The following GPHN variants were observed in gnomAD, a reference collection of about 807,000 sequenced individuals.
GPHN encodes gephyrin.
In GPHN, 17 loss-of-function variants were observed where a neutral mutation model predicts 95.5. The observed-to-expected ratio is 0.18, with a 90% CI of 0.12 to 0.27. The LOEUF (loss-of-function observed/expected upper bound fraction) is 0.27, where lower values mean the gene tolerates loss of function less well. Ranked by LOEUF, GPHN falls within the 10% of genes least tolerant of loss-of-function variation. The probability of loss-of-function intolerance (pLI) is 1.00; values close to 1 mark genes in which losing one functional copy is unlikely to be tolerated. For synonymous variants in GPHN, 320 were observed against 322.5 expected, an observed-to-expected ratio of 0.99 and a Z score of 0.08; for missense variants, 660 against 978.1, an observed-to-expected ratio of 0.67 and a Z score of 4.34.
intron 8 of GPHN, among the ~76,000 whole-genome samples, chr14:66,948,348 CT>C (rs2067883005): frequency 6.6e-6 from 1 of 151,932 alleles, no homozygotes; most frequent in African/African-American, 2.4e-5. Context: ...AAAAAGATCT[CT>C]TGATAGTCAT....
intron 10 of GPHN, among the ~76,000 whole-genome samples, chr14:67,030,344 G>A (rs1031430793): frequency 6.6e-6 from 1 of 151,976 alleles, no homozygotes; most frequent in Non-Finnish European, 1.5e-5. Context: ...CATCCTACAA[G>A]CATTTTTATC....
the GPHN span, among the ~76,000 whole-genome samples, chr14:67,610,578 C>T: frequency 6.6e-6 from 1 of 152,202 alleles, no homozygotes; most frequent in African/African-American, 2.4e-5. Context: ...ACTTCCTCAA[C>T]TACTCCTATA....
chr14:67,250,278 A>G, the GPHN span, among the ~76,000 whole-genome samples: 2 of 152,170 alleles, frequency 1.3e-5, no homozygotes, highest in Admixed American at 1.3e-4. Flanking sequence ...TGCATTAACA[A>G]TTTATTCTTT....
chr14:66,941,856 A>G (rs1415582911), intron 8 of GPHN, among the ~76,000 whole-genome samples: 1 of 152,224 alleles, frequency 6.6e-6, no homozygotes, highest in Non-Finnish European at 1.5e-5. Flanking sequence ...TTTTGTTCAC[A>G]GTATACCTTA....
the GPHN span, among the ~76,000 whole-genome samples, chr14:67,410,798 A>T: frequency 6.6e-6 from 1 of 152,186 alleles, no homozygotes; most frequent in Non-Finnish European, 1.5e-5. Context: ...CCCTGGATTT[A>T]TATGTCTCTT....
the GPHN span, among the ~76,000 whole-genome samples, chr14:67,369,875 C>G: frequency 1.3e-5 from 2 of 152,124 alleles, no homozygotes; most frequent in Non-Finnish European, 2.9e-5. Context: ...GACCCTAACC[C>G]AGAGGCGCTA....
At chr14:66,714,726 G>T (rs1465119565) in intron 2 of GPHN, among the ~76,000 whole-genome samples, 1 of 152,106 alleles carries the variant, frequency 6.6e-6, no homozygotes, top group Non-Finnish European at 1.5e-5. Context: ...TGCATCTATT[G>T]AGATGATAAT....
the GPHN span, chr14:67,579,553 C>T: frequency 2.9e-6 from 2 of 687,040 alleles, no homozygotes; most frequent in South Asian, 4.0e-5. Flanking sequence ...GATAAGCTCA[C>T]ATCCCTCATG....
the GPHN span, among the ~76,000 whole-genome samples, chr14:67,633,254 C>T: frequency 6.6e-6 from 1 of 151,878 alleles, no homozygotes; most frequent in Non-Finnish European, 1.5e-5. Flanking sequence ...ACTTTAAGAC[C>T]TTTGTAGGTT....
chr14:67,253,079 T>C, the GPHN span, among the ~76,000 whole-genome samples: 1 of 152,240 alleles, frequency 6.6e-6, no homozygotes, highest in East Asian at 1.9e-4. Context: ...ACAGTACTTT[T>C]ACAGATTATA....
chr14:67,570,475 T>C, the GPHN span: 1,265 of 181,614 alleles, frequency 7.0e-3, 26 homozygotes, highest in African/African-American at 0.028. Context: ...AAATTTTTTA[T>C]AGAAGAATAA....
At chr14:67,182,554 A>G (rs767138198), downstream of GPHN, among the ~76,000 whole-genome samples, 4 of 152,216 alleles carry the variant, frequency 2.6e-5, no homozygotes, top group Non-Finnish European at 5.9e-5. Flanking sequence ...AAGAGTATGC[A>G]AATAATCCTT....
intron 13 of GPHN, among the ~76,000 whole-genome samples, chr14:67,106,523 C>T (rs1271929334): frequency 6.6e-6 from 1 of 152,088 alleles, no homozygotes; most frequent in Non-Finnish European, 1.5e-5. Context: ...CTCTCTCTTG[C>T]TGGGTATTTC....
chr14:66,884,737 A>G (rs1291234650), intron 5 of GPHN, among the ~76,000 whole-genome samples: 1 of 151,516 alleles, frequency 6.6e-6, no homozygotes, highest in Non-Finnish European at 1.5e-5. Context: ...TTTTATAGGG[A>G]TATTACATAG....
At chr14:67,580,793 T>G in the GPHN span, 2 of 595,932 alleles carry the variant, frequency 3.4e-6, no homozygotes, top group Non-Finnish European at 6.0e-6. Context: ...CCAGGAAGCA[T>G]GAAGCTCCGC....
chr14:67,260,174 A>G, the GPHN span, among the ~76,000 whole-genome samples: 3 of 152,354 alleles, frequency 2.0e-5, no homozygotes, highest in Admixed American at 2.0e-4. Flanking sequence ...TCCATCTTCC[A>G]GCAATCCATA....
the GPHN span, among the ~76,000 whole-genome samples, chr14:67,598,590 C>T: frequency 6.6e-6 from 1 of 152,128 alleles, no homozygotes; most frequent in Non-Finnish European, 1.5e-5. Flanking sequence ...CTCCTCCTCA[C>T]ATGACCACAT....
chr14:66,639,310 G>A (rs773371171), intron 1 of GPHN, among the ~76,000 whole-genome samples: 1 of 151,924 alleles, frequency 6.6e-6, no homozygotes, highest in South Asian at 2.1e-4. Context: ...AATTCATCAG[G>A]TGTGCTGTAT....
chr14:66,785,406 A>G (rs2059737523), intron 3 of GPHN, among the ~76,000 whole-genome samples: 1 of 152,124 alleles, frequency 6.6e-6, no homozygotes, highest in Non-Finnish European at 1.5e-5. Flanking sequence ...TTTAAAAAGC[A>G]TTAGTGGCTG....
Sources: allele counts gnomAD v4.1 joint callset (sites outside exome capture counted in the v4.1 genomes callset), GRCh38; gene constraint gnomAD v4.1.1; transcripts MANE v1.5; gene names NCBI Gene and HGNC (gene_info 2026-07-23, HGNC 2026-07-21).